MEGF9: variants seen among roughly 807,000 people sequenced by gnomAD.
MEGF9 encodes multiple EGF like domains 9.
In MEGF9, 6 loss-of-function variants were observed where a neutral mutation model predicts 46.8. The ratio of observed to expected loss-of-function variants is 0.13; its 90% CI spans 0.07 to 0.25. The LOEUF (loss-of-function observed/expected upper bound fraction) is 0.25, where lower values mean the gene tolerates loss of function less well. Among genes scored for constraint, MEGF9 ranks in the 10% least tolerant of loss-of-function variants. The pLI, the probability that MEGF9 is intolerant of heterozygous loss-of-function variation, is 1.00. For synonymous variants in MEGF9, 302 were observed against 330.7 expected (o/e 0.91, Z 0.94); for missense variants, 683 against 792.4 (o/e 0.86, Z 1.66).
intron 4 of MEGF9, among the ~76,000 whole-genome samples, chr9:120,609,746 T>C (rs1009167653): frequency 2.0e-5 from 3 of 152,134 alleles, no homozygotes; most frequent in Non-Finnish European, 4.4e-5. Context: ...TCCTTAGAAT[T>C]TACTATTATA....
intron 2 of MEGF9, among the ~76,000 whole-genome samples, chr9:120,648,118 C>G (rs965136336): frequency 1.8e-4 from 27 of 152,172 alleles, no homozygotes; most frequent in African/African-American, 6.0e-4. Flanking sequence ...CTTGCCTGAG[C>G]CCACTCTTTC....
rs200715578 is a variant in MEGF9, at chr9:120,611,832, AAAGG to A, written c.1087+560_1087+563del. 3.0e-3 allele frequency among the ~76,000 whole-genome samples: 421 copies of A among 139,330 alleles called. 2 individuals carry two copies. The highest frequency in any genetic ancestry group is 6.9e-3 in the Middle Eastern group (2 of 288). 91.4% of individuals were successfully genotyped at this position (139,330 alleles called of 152,430 possible). On this transcript the variant is annotated intron_variant, in intron 4 of 5. Transcript: ENST00000373930. ...AGAAAGAAAAGAAAAGAAAAGAAAG[AAAGG>A]AAGGAAGGAAGGAAGGAAGGAAGGA...
chr9:120,681,821 A>C (rs2043799932), intron 1 of MEGF9, among the ~76,000 whole-genome samples: 1 of 152,190 alleles, frequency 6.6e-6, no homozygotes, highest in Non-Finnish European at 1.5e-5. Flanking sequence ...GCAAACACGG[A>C]AACTGAATTT....
At chr9:120,667,280 T>A (rs2043729381) in intron 1 of MEGF9, among the ~76,000 whole-genome samples, 1 of 152,224 alleles carries the variant, frequency 6.6e-6, no homozygotes, top group African/African-American at 2.4e-5. Context: ...CTTCAGCTGA[T>A]TATTGCATAA....
intron 3 of MEGF9, among the ~76,000 whole-genome samples, chr9:120,613,932 GA>G (rs1184048505): frequency 1.3e-5 from 2 of 151,680 alleles, no homozygotes; most frequent in African/African-American, 4.8e-5. Flanking sequence ...ATAAGGCTGT[GA>G]AATAAAATGG....
chr9:120,612,352 A>G (rs1564411829), intron 4 of MEGF9, 44 bp downstream of exon 4: 2 of 1,575,852 alleles, frequency 1.3e-6, no homozygotes, highest in East Asian at 4.5e-5. Flanking sequence ...TTGATAACTG[A>G]TTTTTTTTTC....
At chr9:120,707,662 A>G (rs1175078140) in intron 1 of MEGF9, among the ~76,000 whole-genome samples, 2 of 152,226 alleles carry the variant, frequency 1.3e-5, no homozygotes, top group Non-Finnish European at 2.9e-5. Flanking sequence ...AAGATCCTGA[A>G]TCTAGTATTA....
At chr9:120,675,901 A>AC (rs2043771276) in intron 1 of MEGF9, among the ~76,000 whole-genome samples, 2 of 151,262 alleles carry the variant, frequency 1.3e-5, no homozygotes, top group African/African-American at 4.8e-5. Context: ...AAAAAAAAAA[A>AC]AAAAAAAAAC....
chr9:120,674,825 C>G (rs2043765429), intron 1 of MEGF9, among the ~76,000 whole-genome samples: 2 of 151,430 alleles, frequency 1.3e-5, no homozygotes, highest in Admixed American at 1.3e-4. Flanking sequence ...CCTCTTCAGC[C>G]TCTCAAAGTG....
chr9:120,613,840 TACAGTCCAATGCTAAA>T (rs2043459615), intron 3 of MEGF9, among the ~76,000 whole-genome samples: 1 of 152,164 alleles, frequency 6.6e-6, no homozygotes, highest in African/African-American at 2.4e-5. Context: ...GTAAGCTAAC[TACAGTCCAATGCTAAA>T]ACTATTCGTA....
At chr9:120,701,034 A>T (rs2043902386) in intron 1 of MEGF9, among the ~76,000 whole-genome samples, 1 of 151,718 alleles carries the variant, frequency 6.6e-6, no homozygotes, top group Non-Finnish European at 1.5e-5. Context: ...TGAGTGGATC[A>T]TTTGAACCCG....
At chr9:120,634,540 C>T (rs1218515866) in intron 2 of MEGF9, among the ~76,000 whole-genome samples, 49 of 128,072 alleles carry the variant, frequency 3.8e-4, no homozygotes, top group African/African-American at 1.8e-3. Context: ...CTGCAGGCTC[C>T]GCCCCCTGGG....
chr9:120,666,308 T>A (rs563987728), intron 1 of MEGF9, among the ~76,000 whole-genome samples: 1 of 152,282 alleles, frequency 6.6e-6, no homozygotes, highest in East Asian at 1.9e-4. Flanking sequence ...AAAAGATATA[T>A]CATAGTTTTA....
intron 1 of MEGF9, among the ~76,000 whole-genome samples, chr9:120,712,063 C>T (rs767016784): frequency 6.6e-6 from 1 of 152,110 alleles, no homozygotes; most frequent in Non-Finnish European, 1.5e-5. Flanking sequence ...TCAAGACTAG[C>T]CTGGGCAATA....
chr9:120,699,715 C>T lies in MEGF9; in HGVS notation c.601+14043G>A, dbSNP rs2043894769. ...TCTAACCCGGGTGAAAGAGTGAGAC[C>T]GTGTTTCTTAAAAAAAAAAAAAAAA... On this transcript the variant is annotated intron_variant, in intron 1 of 5. Transcript: ENST00000373930. 3.7e-5 allele frequency among the ~76,000 whole-genome samples: 5 copies of T among 135,824 alleles called. No homozygotes were observed. In the South Asian group the frequency reaches 1.2e-3, roughly 32 times the overall value. The allele number at this position is 135,824 out of a possible 152,430, so 89.1% of individuals were successfully genotyped here.
At chr9:120,672,166 T>C (rs2043752022) in intron 1 of MEGF9, among the ~76,000 whole-genome samples, 1 of 152,170 alleles carries the variant, frequency 6.6e-6, no homozygotes, top group South Asian at 2.1e-4. Flanking sequence ...GAGAGACTAA[T>C]TACTTTCTCC....
In MEGF9 at chr9:120,714,382, G is replaced by A; in HGVS notation, c.-24C>T. On this transcript the variant is annotated 5_prime_UTR_variant, in exon 1 of 6. Coordinates refer to ENST00000373930, the MANE Select transcript of MEGF9 (RefSeq NM_001080497.3). Reference sequence around the variant, plus strand: ...ATTCATTCAGCCAGTCGGTTGGTCAGTCATCTTCTCCTCGTTGCAATCCGA... The same window carrying A: ...ATTCATTCAGCCAGTCGGTTGGTCAATCATCTTCTCCTCGTTGCAATCCGA... 1 of 1,292,814 alleles carries A rather than the reference G, an allele frequency of 7.7e-7. No individual in the cohort carries two copies. Among genetic ancestry groups the A allele is most frequent in the Non-Finnish European group, 9.8e-7 (1 of 1,022,094 alleles). 80.1% of individuals were successfully genotyped at this position (1,292,814 alleles called of 1,614,324 possible). A position where few individuals can be genotyped will look rare whatever the true frequency, so the allele number is the denominator to read the frequency against.
chr9:120,661,655 C>G (rs2043702336), intron 1 of MEGF9, among the ~76,000 whole-genome samples: 1 of 152,168 alleles, frequency 6.6e-6, no homozygotes, highest in Non-Finnish European at 1.5e-5. Flanking sequence ...GGAAAGGAAC[C>G]AGCTTCCCAT....
intron 2 of MEGF9, among the ~76,000 whole-genome samples, chr9:120,654,772 C>G (rs1341516449): frequency 1.3e-5 from 2 of 152,040 alleles, no homozygotes; most frequent in South Asian, 2.1e-4. Context: ...GTTATTCCCC[C>G]GAAGACCTTC....
Sources: allele counts gnomAD v4.1 joint callset (sites outside exome capture counted in the v4.1 genomes callset), GRCh38; gene constraint gnomAD v4.1.1; transcripts MANE v1.5; gene names NCBI Gene and HGNC (gene_info 2026-07-23, HGNC 2026-07-21).